NAV1: variants seen among roughly 807,000 people sequenced by gnomAD.
The protein encoded by NAV1 is neuron navigator 1.
In NAV1, 18 loss-of-function variants were observed where a neutral mutation model predicts 175.2. The ratio of observed to expected loss-of-function variants is 0.10; its 90% CI spans 0.07 to 0.15. The LOEUF is 0.15. Among genes scored for constraint, NAV1 ranks in the 10% least tolerant of loss-of-function variants. NAV1 has a pLI of 1.00. For missense variants in NAV1, 1,731 were observed against 2,436.6 expected (o/e 0.71, Z 6.10); for synonymous variants, 897 against 978.7 (o/e 0.92, Z 1.56).
intron 3 of NAV1, among the ~76,000 whole-genome samples, chr1:201,757,886 A>G (rs1029871299): frequency 8.5e-5 from 13 of 152,184 alleles, no homozygotes; most frequent in Non-Finnish European, 2.9e-5. Flanking sequence ...CATCATGAGG[A>G]TGATGCAGCT....
intron 2 of NAV1, among the ~76,000 whole-genome samples, chr1:201,631,040 C>CT (rs1371295642): frequency 6.6e-6 from 1 of 152,192 alleles, no homozygotes; most frequent in Non-Finnish European, 1.5e-5. Flanking sequence ...AGATGTGAAA[C>CT]TGTCTGCTAG....
upstream of NAV1, among the ~76,000 whole-genome samples, chr1:201,644,437 G>A (rs1668908234): frequency 6.6e-6 from 1 of 152,208 alleles, no homozygotes; most frequent in Non-Finnish European, 1.5e-5. Flanking sequence ...AAACTCATGG[G>A]ATGTGAAAAG....
At chr1:201,551,860 G>A (rs778221032) in intron 1 of NAV1, among the ~76,000 whole-genome samples, 7 of 152,188 alleles carry the variant, frequency 4.6e-5, no homozygotes, top group African/African-American at 9.7e-5. Context: ...CTTTTTAGCC[G>A]GTCTGGAGCT....
chr1:201,661,944 CACA>C (rs1232710280), intron 1 of NAV1, among the ~76,000 whole-genome samples: 1 of 152,232 alleles, frequency 6.6e-6, no homozygotes, highest in Non-Finnish European at 1.5e-5. Flanking sequence ...ATTTAATCGT[CACA>C]ACAACCTAGT....
intron 1 of NAV1, among the ~76,000 whole-genome samples, chr1:201,666,511 A>G (rs1477101926): frequency 6.6e-6 from 1 of 152,180 alleles, no homozygotes; most frequent in East Asian, 1.9e-4. Flanking sequence ...AATGATAGTA[A>G]CAAGAAGAGC....
chr1:201,636,089 G>C (rs1471118998), intron 2 of NAV1, among the ~76,000 whole-genome samples: 1 of 152,252 alleles, frequency 6.6e-6, no homozygotes, highest in East Asian at 1.9e-4. Context: ...TGGCCCCTCA[G>C]ATCTTTGCCC....
intron 3 of NAV1, among the ~76,000 whole-genome samples, chr1:201,749,762 A>C (rs553111138): frequency 2.0e-4 from 31 of 152,340 alleles, no homozygotes; most frequent in African/African-American, 6.5e-4. Context: ...TTAGCCAGGC[A>C]TGGTGACACA....
At chr1:201,724,585 C>T (rs1385839091) in intron 3 of NAV1, 1 of 152,446 alleles carries the variant, frequency 6.6e-6, no homozygotes, top group Admixed American at 6.5e-5. Context: ...GTGCCCTTCA[C>T]ATTACATAGA....
At chr1:201,660,340 G>T (rs12567811) in intron 1 of NAV1, among the ~76,000 whole-genome samples, 31,798 of 152,088 alleles carry the variant, frequency 0.21, 3,964 homozygotes, top group Admixed American at 0.36. Flanking sequence ...AGTGGGGTTT[G>T]CTTGCTGCTT....
intron 1 of NAV1, among the ~76,000 whole-genome samples, chr1:201,570,372 G>A (rs1329115204): frequency 1.3e-5 from 2 of 152,222 alleles, no homozygotes; most frequent in African/African-American, 4.8e-5. Flanking sequence ...GGGGCATCTG[G>A]TCACCACCCC....
chr1:201,769,717 T>C (rs985876145), intron 3 of NAV1, among the ~76,000 whole-genome samples: 1 of 151,542 alleles, frequency 6.6e-6, no homozygotes, highest in Non-Finnish European at 1.5e-5. Context: ...GGCTTCCAAT[T>C]CCATAAACTC....
intron 29 of NAV1, among the ~76,000 whole-genome samples, chr1:201,817,864 C>A (rs1679152635): frequency 6.6e-6 from 1 of 152,144 alleles, no homozygotes; most frequent in African/African-American, 2.4e-5. Flanking sequence ...GGGGGAATAT[C>A]TGCAATGCCT....
chr1:201,648,917 C>T (rs201136278), exon 1 of NAV1: 1 of 1,612,886 alleles, frequency 6.2e-7, no homozygotes, highest in Non-Finnish European at 8.5e-7. Context: ...CGCCCGCCTC[C>T]AACCTGCGCA....
chr1:201,698,708 G>A (rs1390333560), intron 1 of NAV1, among the ~76,000 whole-genome samples: 3 of 152,200 alleles, frequency 2.0e-5, no homozygotes, highest in Non-Finnish European at 4.4e-5. Flanking sequence ...CAGATAAGGT[G>A]CCTTTTGTCA....
intron 13 of NAV1, chr1:201,792,721 C>T (rs1677195935): frequency 6.6e-6 from 1 of 152,202 alleles, no homozygotes; most frequent in South Asian, 2.1e-4. Context: ...ATATTATAAT[C>T]TCCTCAGAGC....
At chr1:201,723,463 C>A (rs1016795356) in intron 3 of NAV1, 1 of 151,868 alleles carries the variant, frequency 6.6e-6, no homozygotes, top group African/African-American at 2.4e-5. Flanking sequence ...CTGTTTTTTT[C>A]TTTTGTTGGC....
chr1:201,816,423 C>T (rs1679032229), intron 28 of NAV1, among the ~76,000 whole-genome samples: 1 of 152,152 alleles, frequency 6.6e-6, no homozygotes, highest in South Asian at 2.1e-4. Context: ...TTGATTTAGC[C>T]ATCCCACGGC....
At chr1:201,675,258 T>C (rs1670202254) in intron 1 of NAV1, among the ~76,000 whole-genome samples, 1 of 152,154 alleles carries the variant, frequency 6.6e-6, no homozygotes. Context: ...CTTGACAGTA[T>C]CTTTCAGTGC....
intron 3 of NAV1, among the ~76,000 whole-genome samples, chr1:201,725,657 A>AG (rs1243246214): frequency 6.6e-6 from 1 of 151,524 alleles, no homozygotes. Flanking sequence ...TCTTAAAAAA[A>AG]AAAACATGAA....
Sources: allele counts gnomAD v4.1 joint callset (sites outside exome capture counted in the v4.1 genomes callset), GRCh38; gene constraint gnomAD v4.1.1; transcripts MANE v1.5; gene names NCBI Gene and HGNC (gene_info 2026-07-23, HGNC 2026-07-21).